RASEF: variants seen among roughly 807,000 people sequenced by gnomAD.
The protein encoded by RASEF is ras and EF-hand domain-containing protein.
In RASEF, 68 loss-of-function variants were observed where a neutral mutation model predicts 90.1. The ratio of observed to expected loss-of-function variants is 0.75; its 90% CI spans 0.62 to 0.92. The LOEUF (loss-of-function observed/expected upper bound fraction) is 0.92. RASEF is among the 40% of genes least tolerant of loss of function. RASEF has a pLI of 0.00. For synonymous variants in RASEF, 331 were observed against 345.2 expected, an observed-to-expected ratio of 0.96 and a Z score of 0.46; for missense variants, 949 against 937.2, an observed-to-expected ratio of 1.01 and a Z score of -0.16.
At chr9:83,040,856 T>G (rs896722564) in intron 1 of RASEF, among the ~76,000 whole-genome samples, 1 of 152,186 alleles carries the variant, frequency 6.6e-6, no homozygotes, top group African/African-American at 2.4e-5. Flanking sequence ...CCTTTTTATT[T>G]TATTTTATAT....
At chr9:83,111,600 T>C in the RASEF span, among the ~76,000 whole-genome samples, 3 of 152,254 alleles carry the variant, frequency 2.0e-5, no homozygotes, top group African/African-American at 7.2e-5. Context: ...AACATAACAT[T>C]GTTCACCTTA....
At chr9:83,002,827 T>C (rs1360626210) in intron 9 of RASEF, among the ~76,000 whole-genome samples, 4 of 152,172 alleles carry the variant, frequency 2.6e-5, no homozygotes, top group Non-Finnish European at 5.9e-5. Flanking sequence ...CTCAGCATTA[T>C]GCAATATACT....
the RASEF span, among the ~76,000 whole-genome samples, chr9:83,199,083 A>T: frequency 6.6e-6 from 1 of 152,042 alleles, no homozygotes; most frequent in African/African-American, 2.4e-5. Context: ...CTTCCACAAG[A>T]GAAAAAAGAT....
At chr9:83,122,319 A>G in the RASEF span, among the ~76,000 whole-genome samples, 1 of 152,218 alleles carries the variant, frequency 6.6e-6, no homozygotes, top group Admixed American at 6.5e-5. Flanking sequence ...AAACTCTTTC[A>G]GGATCTCTTT....
chr9:82,983,379 G>A (rs1485842548), intron 16 of RASEF, among the ~76,000 whole-genome samples: 1 of 152,112 alleles, frequency 6.6e-6, no homozygotes, highest in Non-Finnish European at 1.5e-5. Flanking sequence ...GCTTCTTCCA[G>A]TATTAACTGC....
At chr9:83,171,460 G>A in the RASEF span, among the ~76,000 whole-genome samples, 1 of 151,854 alleles carries the variant, frequency 6.6e-6, no homozygotes, top group Non-Finnish European at 1.5e-5. Context: ...AATGAGTTTG[G>A]AAGTATTTCT....
the RASEF span, among the ~76,000 whole-genome samples, chr9:83,194,040 G>C: frequency 6.6e-6 from 1 of 152,144 alleles, no homozygotes. Flanking sequence ...AATACAGAGA[G>C]TTCCTATATA....
chr9:83,047,712 A>ATCT (rs1325441259), intron 1 of RASEF, among the ~76,000 whole-genome samples: 7 of 152,214 alleles, frequency 4.6e-5, no homozygotes, highest in Admixed American at 4.6e-4. Context: ...GTACAATAAC[A>ATCT]TCTAAGAGCA....
chr9:83,084,377 A>G, the RASEF span, among the ~76,000 whole-genome samples: 1 of 152,206 alleles, frequency 6.6e-6, no homozygotes, highest in South Asian at 2.1e-4. Context: ...AGCTTCTTAT[A>G]TAATTATTTA....
At chr9:83,174,318 G>C in the RASEF span, among the ~76,000 whole-genome samples, 1 of 151,892 alleles carries the variant, frequency 6.6e-6, no homozygotes, top group Non-Finnish European at 1.5e-5. Context: ...AGTTAATTTT[G>C]AGTTAATCAT....
At chr9:83,056,067 CAAAG>C (rs1830096571) in intron 1 of RASEF, among the ~76,000 whole-genome samples, 1 of 152,100 alleles carries the variant, frequency 6.6e-6, no homozygotes, top group Non-Finnish European at 1.5e-5. Context: ...GAGAAAGAAT[CAAAG>C]AAACATTTGC....
At chr9:83,208,340 T>C in the RASEF span, among the ~76,000 whole-genome samples, 3 of 152,194 alleles carry the variant, frequency 2.0e-5, no homozygotes, top group Non-Finnish European at 4.4e-5. Flanking sequence ...CTGGAAACTC[T>C]CTGCATTTCC....
chr9:83,202,239 T>C, the RASEF span, among the ~76,000 whole-genome samples: 1 of 152,262 alleles, frequency 6.6e-6, no homozygotes, highest in South Asian at 2.1e-4. Flanking sequence ...AATTAATTTC[T>C]ATATCTATGC....
At chr9:83,041,810 TGGCACATTA>T (rs1183190711) in intron 1 of RASEF, among the ~76,000 whole-genome samples, 1 of 152,216 alleles carries the variant, frequency 6.6e-6, no homozygotes, top group Non-Finnish European at 1.5e-5. Context: ...AATCCGACTT[TGGCACATTA>T]TTCAAGGATC....
the RASEF span, among the ~76,000 whole-genome samples, chr9:83,218,884 G>T: frequency 6.6e-6 from 1 of 152,154 alleles, no homozygotes; most frequent in Admixed American, 6.5e-5. Flanking sequence ...CCACATACCT[G>T]TGTGTCCTCA....
the RASEF span, among the ~76,000 whole-genome samples, chr9:83,111,795 A>G: frequency 1.6e-4 from 24 of 152,178 alleles, no homozygotes; most frequent in African/African-American, 5.5e-4. Context: ...AGGGTATCAA[A>G]GCCTTTTAAA....
the RASEF span, among the ~76,000 whole-genome samples, chr9:83,165,983 T>C: frequency 3.9e-5 from 6 of 152,162 alleles, no homozygotes; most frequent in Non-Finnish European, 8.8e-5. Context: ...ATCTGAATAG[T>C]CTTATACTTA....
At chr9:82,993,146 T>A in intron 14 of RASEF, 121 bp from the exon 15 acceptor site, 2 of 937,890 alleles carry the variant, frequency 2.1e-6, no homozygotes, top group Non-Finnish European at 3.1e-6. Flanking sequence ...AAATCCTATA[T>A]AGAGGATATC....
intron 16 of RASEF, 56 bp from the exon 17 acceptor site, chr9:82,982,838 A>T (rs945504874): frequency 9.7e-7 from 1 of 1,029,580 alleles, no homozygotes; most frequent in African/African-American, 1.6e-5. Flanking sequence ...AGAGAGGATT[A>T]CTGAGGTATA....
Sources: gnomAD v4.1 joint callset for allele counts (sites outside exome capture counted in the v4.1 genomes callset) on GRCh38, gnomAD v4.1.1 for gene constraint, MANE v1.5 for transcripts, NCBI Gene and HGNC (gene_info 2026-07-23, HGNC 2026-07-21) for gene names.